The following APBB2 variants were observed in gnomAD, a reference collection of about 807,000 sequenced individuals.
The protein encoded by APBB2 is Fe65-like 1.
APBB2 carries 38 observed loss-of-function variants against 82.5 expected under a neutral mutation model. That is an observed-to-expected ratio of 0.46 (90% CI 0.36 to 0.60). The LOEUF is 0.60. APBB2 is among the 20% of genes least tolerant of loss of function. APBB2 has a pLI of 0.00. For synonymous variants in APBB2, 341 were observed against 368.2 expected (o/e 0.93, Z 0.85); for missense variants, 772 against 972.3 (o/e 0.79, Z 2.74).
At chr4:41,047,763 T>C (rs537290648) in intron 4 of APBB2, among the ~76,000 whole-genome samples, 1 of 152,358 alleles carries the variant, frequency 6.6e-6, no homozygotes, top group African/African-American at 2.4e-5. Flanking sequence ...GCTGGTAACA[T>C]GGCGACTCCA....
intron 1 of APBB2, among the ~76,000 whole-genome samples, chr4:41,158,451 G>C (rs1272073221): frequency 6.6e-6 from 1 of 152,198 alleles, no homozygotes; most frequent in Non-Finnish European, 1.5e-5. Context: ...CTATGCTACA[G>C]TGGCATCAGG....
intron 12 of APBB2, among the ~76,000 whole-genome samples, chr4:40,852,539 T>C (rs973083150): frequency 6.6e-6 from 1 of 152,110 alleles, no homozygotes; most frequent in Non-Finnish European, 1.5e-5. Context: ...GAAAGGGTAC[T>C]GAAGGGTGAA....
At chr4:40,818,239 AGCGG>A (rs1205197484) in intron 17 of APBB2, among the ~76,000 whole-genome samples, 1 of 152,224 alleles carries the variant, frequency 6.6e-6, no homozygotes, top group Non-Finnish European at 1.5e-5. Flanking sequence ...CTGGATTCAG[AGCGG>A]GCAGGAGAGA....
chr4:40,881,786 G>A (rs1014708400), intron 12 of APBB2, among the ~76,000 whole-genome samples: 5 of 151,792 alleles, frequency 3.3e-5, no homozygotes, highest in African/African-American at 7.2e-5. Flanking sequence ...CGCCTGCCTC[G>A]GCCTCCCAAA....
intron 6 of APBB2, 115 bp downstream of exon 6, chr4:41,013,468 C>T: frequency 5.1e-6 from 5 of 973,600 alleles, no homozygotes; most frequent in Non-Finnish European, 7.7e-6. Flanking sequence ...CCGCAAGAGG[C>T]TCACGTTCCT....
At chr4:41,035,698 C>G (rs144435365) in intron 4 of APBB2, among the ~76,000 whole-genome samples, 1 of 152,202 alleles carries the variant, frequency 6.6e-6, no homozygotes, top group Admixed American at 6.5e-5. Flanking sequence ...TCGGGTTCTA[C>G]ATCCATGCAT....
At chr4:40,827,926 G>C (rs113507438) in intron 13 of APBB2, among the ~76,000 whole-genome samples, 1 of 152,176 alleles carries the variant, frequency 6.6e-6, no homozygotes, top group African/African-American at 2.4e-5. Context: ...TGAATCATAG[G>C]GGCAGTTTTC....
At chr4:41,185,244 G>T (rs1487065089) in intron 1 of APBB2, among the ~76,000 whole-genome samples, 1 of 152,164 alleles carries the variant, frequency 6.6e-6, no homozygotes, top group Non-Finnish European at 1.5e-5. Context: ...CAAAGCAAAA[G>T]GAATACACAG....
At chr4:41,035,919 G>C (rs754771758) in intron 4 of APBB2, among the ~76,000 whole-genome samples, 2 of 152,180 alleles carry the variant, frequency 1.3e-5, no homozygotes, top group Non-Finnish European at 2.9e-5. Context: ...TGCACACTGG[G>C]AGACACAGGT....
chr4:40,908,198 C>A (rs754976432), intron 10 of APBB2, among the ~76,000 whole-genome samples: 6 of 152,024 alleles, frequency 3.9e-5, no homozygotes, highest in Non-Finnish European at 7.4e-5. Flanking sequence ...AGCACAAACC[C>A]GGGAGAGCGG....
chr4:40,866,743 A>G (rs780510824), intron 12 of APBB2, among the ~76,000 whole-genome samples: 15 of 152,050 alleles, frequency 9.9e-5, no homozygotes, highest in Non-Finnish European at 2.1e-4. Context: ...TTTGAGACAG[A>G]GTCTCGCTCT....
chr4:41,154,983 C>T (rs1287835701), intron 1 of APBB2, among the ~76,000 whole-genome samples: 1 of 152,176 alleles, frequency 6.6e-6, no homozygotes, highest in Non-Finnish European at 1.5e-5. Context: ...GAGGTCAGTA[C>T]CCAGTTCTAC....
chr4:40,991,705 C>A (rs887427896), intron 6 of APBB2, among the ~76,000 whole-genome samples: 6 of 152,098 alleles, frequency 3.9e-5, no homozygotes, highest in African/African-American at 1.4e-4. Context: ...CTAAAACAGA[C>A]ACACTTGTTA....
At chr4:40,922,785 ATTT>A (rs112361078) in intron 10 of APBB2, among the ~76,000 whole-genome samples, 1 of 129,934 alleles carries the variant, frequency 7.7e-6, no homozygotes, top group Non-Finnish European at 1.7e-5. Context: ...TAAATTTTGT[ATTT>A]TTTTTTTTTT....
intron 3 of APBB2, among the ~76,000 whole-genome samples, chr4:41,099,908 C>T (rs1016414841): frequency 6.6e-6 from 1 of 151,900 alleles, no homozygotes; most frequent in African/African-American, 2.4e-5. Context: ...TATATTGTTA[C>T]GGGCATTTGG....
chr4:41,119,850 G>T (rs890549401), intron 2 of APBB2, among the ~76,000 whole-genome samples: 1 of 152,110 alleles, frequency 6.6e-6, no homozygotes, highest in African/African-American at 2.4e-5. Flanking sequence ...GTGTTTTTTA[G>T]ATCAAACTCC....
chr4:40,882,274 T>G (rs571046834), intron 12 of APBB2, among the ~76,000 whole-genome samples: 8 of 151,494 alleles, frequency 5.3e-5, no homozygotes, highest in Admixed American at 4.0e-4. Context: ...AGGAGAGAGG[T>G]TGCAATAATT....
intron 4 of APBB2, among the ~76,000 whole-genome samples, chr4:41,045,510 C>G (rs933227730): frequency 6.6e-6 from 1 of 151,922 alleles, no homozygotes; most frequent in Non-Finnish European, 1.5e-5. Flanking sequence ...GCCAGGATAG[C>G]CTCAATCTCC....
At chr4:41,204,887 T>G (rs954839526) in intron 1 of APBB2, among the ~76,000 whole-genome samples, 3 of 152,208 alleles carry the variant, frequency 2.0e-5, no homozygotes, top group African/African-American at 7.2e-5. Flanking sequence ...AAACACTGAA[T>G]GAAATGCTTT....
Sources: allele counts gnomAD v4.1 joint callset (sites outside exome capture counted in the v4.1 genomes callset), GRCh38; gene constraint gnomAD v4.1.1; transcripts MANE v1.5; gene names NCBI Gene and HGNC (gene_info 2026-07-23, HGNC 2026-07-21).